MTAP: variants seen among roughly 807,000 people sequenced by gnomAD.
MTAP encodes S-methyl-5'-thioadenosine phosphorylase.
MTAP carries 33 observed loss-of-function variants against 33.6 expected under a neutral mutation model. That is an observed-to-expected ratio of 0.98 (90% CI 0.74 to 1.31). The LOEUF (loss-of-function observed/expected upper bound fraction) is 1.31, where lower values mean the gene tolerates loss of function less well. Ranked by LOEUF, MTAP falls within the 40% of genes most tolerant of loss-of-function variation. The pLI is 0.00. For synonymous variants in MTAP, 148 were observed against 125.7 expected (o/e 1.18, Z -1.19); for missense variants, 367 against 360.0 (o/e 1.02, Z -0.16).
intron 1 of MTAP, among the ~76,000 whole-genome samples, chr9:21,896,856 G>C (rs532605390): frequency 6.6e-6 from 1 of 152,290 alleles, no homozygotes; most frequent in South Asian, 2.1e-4. Flanking sequence ...AATAGAAAAA[G>C]AGGGAATCCT....
chr9:21,930,898 C>T, intron 1 of MTAP: 1 of 639,504 alleles, frequency 1.6e-6, no homozygotes, highest in Non-Finnish European at 2.8e-6. Flanking sequence ...TGGGATCTTC[C>T]CTGGGTTCTT....
chr9:21,900,532 T>G (rs1349233740), intron 1 of MTAP, among the ~76,000 whole-genome samples: 1 of 152,154 alleles, frequency 6.6e-6, no homozygotes, highest in East Asian at 1.9e-4. Flanking sequence ...CTGGTGAGAT[T>G]GCAGGGAAAA....
At chr9:21,904,402 C>T (rs1818441951) in intron 1 of MTAP, among the ~76,000 whole-genome samples, 3 of 152,180 alleles carry the variant, frequency 2.0e-5, no homozygotes, top group Admixed American at 6.5e-5. Flanking sequence ...CGACCTCCTC[C>T]TCTACCCAGC....
At position 21,863,692 on chromosome 9, in the gene MTAP, C is replaced by T. The variant is rs900824487; in HGVS notation, c.*1678C>T. The T allele has an allele frequency of 4.1e-6, 4 of 985,324 alleles. No individual in the cohort carries two copies. In the East Asian group the frequency reaches 4.5e-4, roughly 112 times the overall value. 61.0% of individuals were successfully genotyped at this position (985,324 alleles called of 1,614,324 possible). On this transcript the variant is annotated 3_prime_UTR_variant, in exon 8 of 8. Coordinates refer to ENST00000644715, the MANE Select transcript of MTAP (RefSeq NM_002451.4). Reference sequence around the variant, plus strand: ...TTTATCATGGGGAGATCTTTTTCCTCAGAATTGTTTTCTTTTCACTGTAGG... The same window carrying T: ...TTTATCATGGGGAGATCTTTTTCCTTAGAATTGTTTTCTTTTCACTGTAGG...
intron 1 of MTAP, among the ~76,000 whole-genome samples, chr9:21,872,146 C>G (rs1444440583): frequency 6.6e-6 from 1 of 152,172 alleles, no homozygotes; most frequent in Non-Finnish European, 1.5e-5. Context: ...AACCTCATCT[C>G]TACTAAAAAT....
chr9:21,868,953 C>T (rs1825895513), downstream of MTAP, among the ~76,000 whole-genome samples: 1 of 152,154 alleles, frequency 6.6e-6, no homozygotes, highest in South Asian at 2.1e-4. Flanking sequence ...ATGCTGGTCC[C>T]ACTTTGAGAA....
At chr9:21,819,214 A>C (rs1283544463) in intron 4 of MTAP, among the ~76,000 whole-genome samples, 2 of 151,150 alleles carry the variant, frequency 1.3e-5, no homozygotes, top group Non-Finnish European at 2.9e-5. Context: ...ATATGTGTAC[A>C]TGTGCCATGT....
intron 4 of MTAP, among the ~76,000 whole-genome samples, chr9:21,821,408 T>C (rs1824635565): frequency 6.6e-6 from 1 of 152,222 alleles, no homozygotes; most frequent in Non-Finnish European, 1.5e-5. Context: ...TTTGGTTCTG[T>C]TTATATGCTG....
At chr9:21,835,868 T>G (rs1420289450) in intron 4 of MTAP, among the ~76,000 whole-genome samples, 1 of 152,232 alleles carries the variant, frequency 6.6e-6, no homozygotes, top group Non-Finnish European at 1.5e-5. Context: ...ACTGAATGTA[T>G]TGACAGTTAA....
chr9:21,824,767 C>A (rs181239601), intron 4 of MTAP, among the ~76,000 whole-genome samples: 83 of 152,334 alleles, frequency 5.4e-4, no homozygotes, highest in African/African-American at 2.0e-3. Flanking sequence ...AGCTTCCCAG[C>A]CACTTTGTTT....
intron 1 of MTAP, among the ~76,000 whole-genome samples, chr9:21,888,174 G>T (rs534299437): frequency 2.6e-5 from 4 of 152,188 alleles, no homozygotes; most frequent in African/African-American, 9.6e-5. Context: ...TTCCACTGTG[G>T]TCTGAAAGAG....
intron 4 of MTAP, among the ~76,000 whole-genome samples, chr9:21,825,176 C>T (rs2118159526): frequency 6.6e-6 from 1 of 152,316 alleles, no homozygotes; most frequent in East Asian, 1.9e-4. Context: ...CAGAAATCAC[C>T]TGTCTTCTGC....
chr9:21,806,890 G>A (rs897062427), intron 1 of MTAP, among the ~76,000 whole-genome samples: 60 of 152,038 alleles, frequency 3.9e-4, no homozygotes, highest in African/African-American at 1.3e-3. Context: ...TTGGCCAGGC[G>A]CGGTGGCTCA....
At chr9:21,938,916 C>G (rs1360621233), downstream of MTAP, among the ~76,000 whole-genome samples, 1 of 152,148 alleles carries the variant, frequency 6.6e-6, no homozygotes. Context: ...ATTGCTAACC[C>G]AAGATCAAGT....
intron 1 of MTAP, among the ~76,000 whole-genome samples, chr9:21,918,349 CA>C (rs34446505): frequency 0.037 from 867 of 23,712 alleles, 4 homozygotes; most frequent in African/African-American, 0.12. Context: ...GACTCCGTCT[CA>C]AAAAAAAAAA....
chr9:21,828,362 AG>A (rs1159416175), intron 4 of MTAP, among the ~76,000 whole-genome samples: 1 of 152,172 alleles, frequency 6.6e-6, no homozygotes, highest in Non-Finnish European at 1.5e-5. Context: ...CAACAACAGG[AG>A]GAAAGAATCT....
intron 1 of MTAP, 24 bp from the exon 2 acceptor site, chr9:21,815,409 C>T: frequency 1.4e-6 from 2 of 1,470,654 alleles, no homozygotes; most frequent in East Asian, 2.3e-5. Flanking sequence ...ATACAATAAT[C>T]TTCTCTGTCT....
intron 1 of MTAP, among the ~76,000 whole-genome samples, chr9:21,908,163 C>T (rs1035230776): frequency 3.9e-5 from 6 of 152,136 alleles, no homozygotes; most frequent in African/African-American, 1.4e-4. Flanking sequence ...CTGATTCTTT[C>T]TCCATGTCTA....
downstream of MTAP, among the ~76,000 whole-genome samples, chr9:21,868,095 T>C (rs1014227292): frequency 2.0e-5 from 3 of 152,334 alleles, no homozygotes; most frequent in East Asian, 1.9e-4. Context: ...AACTTATTGA[T>C]GGCTTCTGAG....
Sources: allele counts gnomAD v4.1 joint callset (sites outside exome capture counted in the v4.1 genomes callset), GRCh38; gene constraint gnomAD v4.1.1; transcripts MANE v1.5; gene names NCBI Gene and HGNC (gene_info 2026-07-23, HGNC 2026-07-21).